The following XYLB variants were observed in gnomAD, a reference collection of about 807,000 sequenced individuals.
XYLB encodes the protein xylulose kinase.
In XYLB, 62 loss-of-function variants were observed where a neutral mutation model predicts 78.7. The observed-to-expected ratio is 0.79, with a 90% confidence interval of 0.64 to 0.97. XYLB has a LOEUF of 0.97. Ranked by LOEUF, XYLB falls within the 50% of genes least tolerant of loss-of-function variation. The pLI, the probability that XYLB is intolerant of heterozygous loss-of-function variation, is 0.00. For synonymous variants in XYLB, 245 were observed against 247.4 expected (o/e 0.99, Z 0.09); for missense variants, 687 against 676.8 (o/e 1.02, Z -0.17).
At chr3:38,398,205 C>T (rs927116145) in intron 17 of XYLB, among the ~76,000 whole-genome samples, 1 of 151,798 alleles carries the variant, frequency 6.6e-6, no homozygotes, top group Non-Finnish European at 1.5e-5. Context: ...TGTGGTGGCT[C>T]ATGCCTGTAA....
exon 18 of XYLB, among the ~76,000 whole-genome samples, chr3:38,420,144 T>A (rs1708931574): frequency 1.3e-5 from 2 of 152,214 alleles, no homozygotes; most frequent in African/African-American, 4.8e-5. Context: ...TGTTTGATTT[T>A]GTGTCTTGCA....
intron 8 of XYLB, among the ~76,000 whole-genome samples, chr3:38,369,399 T>C (rs1209086272): frequency 6.6e-6 from 1 of 152,172 alleles, no homozygotes; most frequent in Non-Finnish European, 1.5e-5. Context: ...TTTATGTTCC[T>C]TAGCCACAGC....
At position 38,360,325 on chromosome 3, in the gene XYLB, T is replaced by C. The variant is rs755235915; in HGVS notation, c.141-14T>C. ...CCCTGAGGCTCTGGTCTACATTCTC[T>C]GTTGTTCTTGCAGGACTCAGGGTGG... is the stretch of plus-strand genomic sequence containing the variant. On this transcript the variant is annotated splice_polypyrimidine_tract_variant and intron_variant, in intron 2 of 18. Transcript: ENST00000207870. 1 of 1,613,566 alleles carries C rather than the reference T, an allele frequency of 6.2e-7. No individual in the cohort carries two copies. The highest frequency in any genetic ancestry group is 1.1e-5 in the South Asian group (1 of 91,070).
chr3:38,393,502 T>C (rs761281578), intron 15 of XYLB, among the ~76,000 whole-genome samples: 2 of 152,190 alleles, frequency 1.3e-5, no homozygotes, highest in Non-Finnish European at 2.9e-5. Flanking sequence ...GCAGAAAAAC[T>C]GTTGTATTAT....
chr3:38,433,519 A>T, the XYLB span, among the ~76,000 whole-genome samples: 5 of 152,172 alleles, frequency 3.3e-5, no homozygotes, highest in Non-Finnish European at 7.3e-5. Context: ...CTTCCTTTGA[A>T]CGCTTTGTCA....
At chr3:38,362,133 C>T (rs979285428) in intron 3 of XYLB, among the ~76,000 whole-genome samples, 1 of 152,192 alleles carries the variant, frequency 6.6e-6, no homozygotes, top group African/African-American at 2.4e-5. Flanking sequence ...ATGCTTTGCT[C>T]TCACGGGAGC....
intron 3 of XYLB, among the ~76,000 whole-genome samples, chr3:38,362,439 T>C (rs1283391792): frequency 2.0e-5 from 3 of 152,212 alleles, no homozygotes; most frequent in Non-Finnish European, 4.4e-5. Context: ...GATCTCATTA[T>C]GTTGCCCACA....
the XYLB span, among the ~76,000 whole-genome samples, chr3:38,438,940 G>T: frequency 6.6e-6 from 1 of 152,190 alleles, no homozygotes; most frequent in East Asian, 1.9e-4. Context: ...ACAGAGTGCT[G>T]GTTGGTGCAT....
In XYLB at chr3:38,379,298, T is replaced by G; in HGVS notation, c.1247T>G (p.Phe416Cys). Residue 416 changes from phenylalanine to cysteine, a missense_variant, in exon 15 of 19, where the codon TTC becomes TGC. Transcript: ENST00000207870. ...GTTCGAGCACTAATTGAAGGACAAT[T>G]CATGGCCAAGAGGATTCACGCAGAA... The part of the protein sequence containing the change: ...VEVRALIEGQ[F>C]MAKRIHAEGL... 6.2e-7 allele frequency: 1 copy of G among 1,614,032 alleles called. No individual in the cohort carries two copies. Among genetic ancestry groups the G allele is most frequent in the Non-Finnish European group, 8.5e-7 (1 of 1,180,018 alleles).
intron 2 of XYLB, chr3:38,355,851 A>T: frequency 2.9e-6 from 2 of 700,740 alleles, no homozygotes; most frequent in Non-Finnish European, 5.2e-6. Flanking sequence ...CTAACCACCT[A>T]CTGATTGTGC....
intron 2 of XYLB, among the ~76,000 whole-genome samples, chr3:38,359,945 T>A (rs947593301): frequency 6.6e-6 from 1 of 152,098 alleles, no homozygotes. Context: ...TCCAAGGACT[T>A]GTTGGTCTGT....
chr3:38,423,107 C>G (rs1297183449), downstream of XYLB, among the ~76,000 whole-genome samples: 1 of 152,164 alleles, frequency 6.6e-6, no homozygotes, highest in African/African-American at 2.4e-5. Flanking sequence ...GAGTCTCGCT[C>G]TGCTGCCCAG....
At chr3:38,411,588 C>T (rs1708589766) in intron 18 of XYLB, among the ~76,000 whole-genome samples, 1 of 151,646 alleles carries the variant, frequency 6.6e-6, no homozygotes. Flanking sequence ...ATTTTCCTTG[C>T]CTTAGTACAG....
rs543179038 is a variant in XYLB at position 38,398,053 on chromosome 3, T to C, written c.1438+894T>C. ...CAGGATGGTCTCGATCTCCTGACTT[T>C]GTGATCTGCCCACCTTGGCCTCCCA... On this transcript the variant is annotated intron_variant, in intron 17 of 18. Transcript: ENST00000207870. Among the ~76,000 whole-genome samples, 11 of 151,688 alleles carry C rather than the reference T, an allele frequency of 7.3e-5. No individual in the cohort carries two copies. In the South Asian group the frequency reaches 1.5e-3, roughly 20 times the overall value.
In XYLB at chr3:38,362,930, T is replaced by C. The variant is rs1251265963; in HGVS notation, c.211-7T>C. ...ACAGTCATGGTGGGTTCTGTTTTTC[T>C]TCTTAGGCACTGGATATCATCTTGG... On this transcript the variant is annotated splice_region_variant and splice_polypyrimidine_tract_variant and intron_variant, in intron 3 of 18. Transcript: ENST00000207870. 5.7e-6 allele frequency: 9 copies of C among 1,565,750 alleles called. No individual in the cohort carries two copies. The highest frequency in any genetic ancestry group is 6.9e-6 in the Non-Finnish European group (8 of 1,154,708).
At chr3:38,430,626 G>A in the XYLB span, among the ~76,000 whole-genome samples, 1 of 152,176 alleles carries the variant, frequency 6.6e-6, no homozygotes, top group African/African-American at 2.4e-5. Flanking sequence ...TGAAGTCCTT[G>A]CCCATGGCTA....
chr3:38,418,055 C>A (rs1467582683), downstream of XYLB, among the ~76,000 whole-genome samples: 1 of 151,050 alleles, frequency 6.6e-6, no homozygotes, highest in Non-Finnish European at 1.5e-5. Context: ...ATTAGGCAGG[C>A]GTGGTAGCAG....
At chr3:38,395,478 A>G (rs1707830644) in intron 15 of XYLB, 27 bp from the exon 16 acceptor site, 2 of 1,612,762 alleles carry the variant, frequency 1.2e-6, no homozygotes, top group East Asian at 2.2e-5. Flanking sequence ...TGGCATAGCT[A>G]TTTTACTTTT....
chr3:38,431,967 A>G, the XYLB span, among the ~76,000 whole-genome samples: 5 of 152,198 alleles, frequency 3.3e-5, no homozygotes, highest in African/African-American at 1.2e-4. Flanking sequence ...AAAAAAAGAT[A>G]GTTACTTCCT....
Sources: allele counts gnomAD v4.1 joint callset (sites outside exome capture counted in the v4.1 genomes callset), GRCh38; gene constraint gnomAD v4.1.1; transcripts MANE v1.5; gene names NCBI Gene and HGNC (gene_info 2026-07-23, HGNC 2026-07-21).